PRKAR1A: variants seen among roughly 807,000 people sequenced by gnomAD.
PRKAR1A encodes the protein protein kinase cAMP-dependent type I regulatory subunit alpha.
PRKAR1A carries 3 observed loss-of-function variants against 52.0 expected under a neutral mutation model. The observed-to-expected ratio is 0.06, with a 90% confidence interval of 0.03 to 0.15. The LOEUF is 0.15. PRKAR1A is among the 10% of genes least tolerant of loss of function. PRKAR1A has a pLI of 1.00. For missense variants in PRKAR1A, 240 were observed against 477.4 expected (o/e 0.50, Z 4.63); for synonymous variants, 188 against 168.4 (o/e 1.12, Z -0.90).
chr17:68,516,620 C>G (rs1256481300), intron 2 of PRKAR1A, among the ~76,000 whole-genome samples: 1 of 151,670 alleles, frequency 6.6e-6, no homozygotes, highest in East Asian at 1.9e-4. Context: ...GTAAAAGAAT[C>G]TGTACTAAGC....
the PRKAR1A span, among the ~76,000 whole-genome samples, chr17:68,497,613 T>C: frequency 3.9e-5 from 6 of 152,308 alleles, no homozygotes; most frequent in South Asian, 1.2e-3. Flanking sequence ...AAGATGCTGA[T>C]AAAAATGTGA....
intron 11 of PRKAR1A, among the ~76,000 whole-genome samples, chr17:68,543,110 G>T (rs2086383096): frequency 6.6e-6 from 1 of 152,146 alleles, no homozygotes; most frequent in South Asian, 2.1e-4. Flanking sequence ...TAATGTTCCT[G>T]TGAGTCACCT....
chr17:68,438,620 A>C, the PRKAR1A span, among the ~76,000 whole-genome samples: 1 of 152,268 alleles, frequency 6.6e-6, no homozygotes, highest in East Asian at 1.9e-4. Context: ...TTGTTTTTTG[A>C]GATGGAGTCT....
At position 68,527,631 on chromosome 17, in the gene PRKAR1A, G is replaced by A. The variant is rs3785905; in HGVS notation, c.709-209G>A. On this transcript the variant is annotated intron_variant, in intron 7 of 10. Coordinates refer to ENST00000589228, the MANE Select transcript of PRKAR1A (RefSeq NM_002734.5). ...GCTAGGAATTGGGCATAATATTGGCGGAAAATAAAAATCACAAGAATGTCA... is the reference window on the plus strand; with the variant it reads ...GCTAGGAATTGGGCATAATATTGGCAGAAAATAAAAATCACAAGAATGTCA... 75,776 of 523,032 alleles carry A rather than the reference G, an allele frequency of 0.14. 5,749 individuals carry two copies. Among genetic ancestry groups the A allele is most frequent in the South Asian group, 0.19 (9,033 of 47,438 alleles). The allele number at this position is 523,032 out of a possible 1,614,324, so 32.4% of individuals were successfully genotyped here.
upstream of PRKAR1A, chr17:68,511,672 G>A (rs1019414882): frequency 8.6e-5 from 13 of 151,568 alleles, no homozygotes; most frequent in African/African-American, 3.2e-4. Context: ...CGGCGGGGGA[G>A]AGCGGCCCCA....
At chr17:68,539,623 C>G (rs2086201468) in intron 11 of PRKAR1A, among the ~76,000 whole-genome samples, 3 of 152,246 alleles carry the variant, frequency 2.0e-5, no homozygotes, top group Non-Finnish European at 4.4e-5. Context: ...AGAGGGCCAG[C>G]CACTGAGGAT....
At chr17:68,425,127 G>C in the PRKAR1A span, among the ~76,000 whole-genome samples, 6 of 152,230 alleles carry the variant, frequency 3.9e-5, no homozygotes, top group South Asian at 1.2e-3. Flanking sequence ...AGGCTGAGCA[G>C]GTTGCTGGGA....
chr17:68,540,244 T>G (rs905156160), intron 11 of PRKAR1A, among the ~76,000 whole-genome samples: 10 of 152,206 alleles, frequency 6.6e-5, no homozygotes, highest in African/African-American at 2.4e-4. Context: ...GAGATTTGAA[T>G]GTGCAGAAAG....
chr17:68,540,480 T>A (rs1044663095), intron 11 of PRKAR1A: 1 of 470,376 alleles, frequency 2.1e-6, no homozygotes, highest in Non-Finnish European at 4.2e-6. Context: ...ATTACTAGTC[T>A]TGTGTGTCCG....
chr17:68,519,839 C>T (rs1052140619), intron 2 of PRKAR1A, among the ~76,000 whole-genome samples: 2 of 152,140 alleles, frequency 1.3e-5, no homozygotes, highest in Non-Finnish European at 2.9e-5. Context: ...GTGTGAAGCA[C>T]TTTATATACA....
chr17:68,416,041 C>T, the PRKAR1A span, among the ~76,000 whole-genome samples: 17 of 151,870 alleles, frequency 1.1e-4, no homozygotes, highest in Admixed American at 2.6e-4. Context: ...TGTGAAGTAC[C>T]ATTCCATTCC....
At chr17:68,497,695 G>GA in the PRKAR1A span, among the ~76,000 whole-genome samples, 2 of 151,902 alleles carry the variant, frequency 1.3e-5, no homozygotes, top group Admixed American at 6.6e-5. Context: ...TTTTACAGAT[G>GA]AAAAAAAACT....
the PRKAR1A span, chr17:68,424,563 T>C: frequency 1.9e-6 from 1 of 523,982 alleles, no homozygotes; most frequent in Non-Finnish European, 3.9e-6. Context: ...TAGGAGCTGA[T>C]GCTCCAAGTC....
the PRKAR1A span, among the ~76,000 whole-genome samples, chr17:68,493,192 G>C: frequency 6.6e-6 from 1 of 152,160 alleles, no homozygotes; most frequent in Non-Finnish European, 1.5e-5. Context: ...TGCTGGGCTT[G>C]ATACCCAGGC....
chr17:68,545,576 G>T (rs951611625), intron 11 of PRKAR1A, among the ~76,000 whole-genome samples: 6 of 152,226 alleles, frequency 3.9e-5, no homozygotes, highest in African/African-American at 1.4e-4. Context: ...TGACTGGGGT[G>T]GTGGTTGCTG....
intron 11 of PRKAR1A, chr17:68,539,742 TG>T: frequency 2.6e-6 from 2 of 770,442 alleles, no homozygotes; most frequent in Non-Finnish European, 4.5e-6. Context: ...AAGAAGGAAA[TG>T]GAAGAAGCCG....
At chr17:68,458,255 T>C in the PRKAR1A span, among the ~76,000 whole-genome samples, 1 of 152,150 alleles carries the variant, frequency 6.6e-6, no homozygotes. Context: ...GAAAATACGA[T>C]TGTGCTCAAT....
the PRKAR1A span, among the ~76,000 whole-genome samples, chr17:68,486,529 CTTTCTT>C: frequency 5.7e-5 from 7 of 123,214 alleles, no homozygotes; most frequent in Admixed American, 1.8e-4. Flanking sequence ...TTCTTTCTTT[CTTTCTT>C]TCTTTCTTTC....
At chr17:68,529,742 T>A (rs779763287) in intron 9 of PRKAR1A, among the ~76,000 whole-genome samples, 178 bp from the exon 10 acceptor site, 10 of 152,238 alleles carry the variant, frequency 6.6e-5, no homozygotes, top group Non-Finnish European at 1.2e-4. Flanking sequence ...ACGAAGAACC[T>A]CGCTAGCAGG....
Sources: gnomAD v4.1 joint callset for allele counts (sites outside exome capture counted in the v4.1 genomes callset) on GRCh38, gnomAD v4.1.1 for gene constraint, MANE v1.5 for transcripts, NCBI Gene and HGNC (gene_info 2026-07-23, HGNC 2026-07-21) for gene names.